CFAP54: variants seen among roughly 807,000 people sequenced by gnomAD.
CFAP54 encodes the protein cilia- and flagella-associated protein 54.
In CFAP54, 290 loss-of-function variants were observed where a neutral mutation model predicts 370.4. The observed-to-expected ratio is 0.78, with a 90% CI of 0.71 to 0.86. The LOEUF is 0.86. Ranked by LOEUF, CFAP54 falls within the 40% of genes least tolerant of loss-of-function variation. The pLI, the probability that CFAP54 is intolerant of heterozygous loss-of-function variation, is 0.00. For synonymous variants in CFAP54, 1,206 were observed against 1,236.5 expected, an observed-to-expected ratio of 0.98 and a Z score of 0.52; for missense variants, 3,399 against 3,528.7, an observed-to-expected ratio of 0.96 and a Z score of 0.93.
intron 26 of CFAP54, among the ~76,000 whole-genome samples, chr12:96,617,235 G>A (rs1324020341): frequency 6.6e-6 from 1 of 152,198 alleles, no homozygotes; most frequent in Non-Finnish European, 1.5e-5. Context: ...ATCCAAAGAA[G>A]TGGCCTTTAT....
At chr12:96,702,056 TC>T (rs1458115285) in intron 46 of CFAP54, among the ~76,000 whole-genome samples, 1 of 152,030 alleles carries the variant, frequency 6.6e-6, no homozygotes, top group African/African-American at 2.4e-5. Context: ...TGAACAGCAG[TC>T]CGGTTCTGGG....
intron 19 of CFAP54, among the ~76,000 whole-genome samples, chr12:96,575,539 G>A (rs1349630039): frequency 6.6e-6 from 1 of 152,056 alleles, no homozygotes; most frequent in Non-Finnish European, 1.5e-5. Context: ...AGGAGGAGTA[G>A]TAATCACAAT....
At chr12:96,576,893 T>A (rs1955984297) in intron 20 of CFAP54, 132 bp downstream of exon 20, 3 of 715,510 alleles carry the variant, frequency 4.2e-6, no homozygotes, top group Non-Finnish European at 6.6e-6. Context: ...TGGATTAATA[T>A]TCCAATGTCT....
chr12:96,582,616 T>C (rs1461731805), intron 22 of CFAP54, among the ~76,000 whole-genome samples: 2 of 152,182 alleles, frequency 1.3e-5, no homozygotes, highest in African/African-American at 4.8e-5. Flanking sequence ...ATGGAGTTAT[T>C]GTGAGGAACT....
intron 19 of CFAP54, among the ~76,000 whole-genome samples, chr12:96,574,425 G>T (rs573238322): frequency 1.3e-4 from 20 of 152,058 alleles, no homozygotes; most frequent in Admixed American, 6.5e-4. Context: ...ATTCTTTCTG[G>T]CTTTTATTGA....
In CFAP54 at chr12:96,535,520, T is replaced by C; in HGVS notation, c.1711T>C (p.Cys571Arg). 1 of 1,533,952 alleles carries C rather than the reference T, an allele frequency of 6.5e-7. No individual in the cohort carries two copies. Among genetic ancestry groups the C allele is most frequent in the East Asian group, 2.4e-5 (1 of 40,888 alleles). Reference sequence around the variant, plus strand: ...CCTCTACTTTATGAACTTAGATACTTGTTTGAAGACTTGTGGATATTCAGA... The same window carrying C: ...CCTCTACTTTATGAACTTAGATACTCGTTTGAAGACTTGTGGATATTCAGA... ...YLKKIAVHDT[C>R]LKTCGYSEDI... Residue 571 changes from cysteine to arginine, a missense_variant, in exon 12 of 68, where the codon TGT becomes CGT. Transcript: ENST00000524981.
chr12:96,689,622 C>T (rs969744234), intron 43 of CFAP54, among the ~76,000 whole-genome samples: 1 of 152,056 alleles, frequency 6.6e-6, no homozygotes, highest in Non-Finnish European at 1.5e-5. Flanking sequence ...TACCTCATCT[C>T]TAAATTCAGT....
intron 60 of CFAP54, among the ~76,000 whole-genome samples, chr12:96,771,435 G>A (rs1474064437): frequency 2.6e-5 from 4 of 152,158 alleles, no homozygotes; most frequent in Non-Finnish European, 4.4e-5. Flanking sequence ...GGCGGTTCAC[G>A]AGGTCAGGAG....
chr12:96,494,042 A>G (rs1954919266), intron 1 of CFAP54, among the ~76,000 whole-genome samples: 1 of 152,062 alleles, frequency 6.6e-6, no homozygotes, highest in Non-Finnish European at 1.5e-5. Flanking sequence ...TTAAGCTGAG[A>G]TTAGAAGGAC....
chr12:96,544,975 G>C (rs375611504), intron 14 of CFAP54, among the ~76,000 whole-genome samples: 33 of 151,390 alleles, frequency 2.2e-4, no homozygotes, highest in Admixed American at 6.6e-4. Context: ...GCGGTGGCAC[G>C]ATCTTGGCTC....
chr12:96,620,395 T>G (rs1288373826), intron 26 of CFAP54, among the ~76,000 whole-genome samples: 1 of 152,200 alleles, frequency 6.6e-6, no homozygotes, highest in Non-Finnish European at 1.5e-5. Context: ...ATCCGACAGT[T>G]TTATAAAGGG....
chr12:96,651,550 G>T, intron 35 of CFAP54, 38 bp from the exon 36 acceptor site: 1 of 1,536,188 alleles, frequency 6.5e-7, no homozygotes, highest in Non-Finnish European at 9.0e-7. Context: ...TGTAACTTTT[G>T]GAACTTTGGG....
At chr12:96,699,511 T>C (rs749966144) in intron 45 of CFAP54, among the ~76,000 whole-genome samples, 7 of 152,032 alleles carry the variant, frequency 4.6e-5, no homozygotes, top group Non-Finnish European at 1.0e-4. Flanking sequence ...TAAAAGAAAA[T>C]TAGTAGTTGT....
intron 38 of CFAP54, among the ~76,000 whole-genome samples, chr12:96,661,983 C>G (rs1749426819): frequency 6.6e-6 from 1 of 152,216 alleles, no homozygotes; most frequent in African/African-American, 2.4e-5. Context: ...CCTGCCTCCT[C>G]TCTTGCTCTC....
At chr12:96,684,783 CT>C (rs1565941792) in intron 41 of CFAP54, 48 bp downstream of exon 41, 1 of 1,454,630 alleles carries the variant, frequency 6.9e-7, no homozygotes, top group East Asian at 2.3e-5. Context: ...TTTTTATTTG[CT>C]TGTTTGAAGA....
At chr12:96,501,367 C>T (rs575996190) in intron 2 of CFAP54, among the ~76,000 whole-genome samples, 2 of 152,352 alleles carry the variant, frequency 1.3e-5, no homozygotes, top group East Asian at 1.9e-4. Context: ...CTTCAGTGCC[C>T]TGTTTATTAA....
chr12:96,712,351 CT>C (rs1360924194), intron 48 of CFAP54, among the ~76,000 whole-genome samples: 1 of 151,976 alleles, frequency 6.6e-6, no homozygotes, highest in Non-Finnish European at 1.5e-5. Context: ...ATAATAAATT[CT>C]CATATGTACC....
At chr12:96,809,374 T>C (rs10860098) in intron 63 of CFAP54, among the ~76,000 whole-genome samples, 52,327 of 151,974 alleles carry the variant, frequency 0.34, 9,301 homozygotes, top group South Asian at 0.55. Context: ...GTTTTTAAAT[T>C]TAGGTTTCAC....
At chr12:96,794,319 T>G (rs913020386) in intron 63 of CFAP54, among the ~76,000 whole-genome samples, 2 of 152,194 alleles carry the variant, frequency 1.3e-5, no homozygotes, top group African/African-American at 4.8e-5. Context: ...CTTGATTGTT[T>G]CCTCAAATAC....
Sources: allele counts gnomAD v4.1 joint callset (sites outside exome capture counted in the v4.1 genomes callset), GRCh38; gene constraint gnomAD v4.1.1; transcripts MANE v1.5; gene names NCBI Gene and HGNC (gene_info 2026-07-23, HGNC 2026-07-21).